Variants in TBPL2 observed in about 807,000 individuals in gnomAD.
The protein encoded by TBPL2 is TATA-box binding protein like 2, also known as TATA box-binding protein-like 2.
Under a neutral mutation model 38.2 loss-of-function variants are expected in TBPL2, and 40 were observed. The observed-to-expected ratio is 1.05, with a 90% CI of 0.81 to 1.36. The LOEUF is 1.36. Among genes scored for constraint, TBPL2 ranks in the 40% most tolerant of loss-of-function variants. TBPL2 has a pLI of 0.00. For synonymous variants in TBPL2, 169 were observed against 171.7 expected (o/e 0.98, Z 0.12); for missense variants, 461 against 456.7 (o/e 1.01, Z -0.09).
At chr14:55,418,744 A>G (rs1885703369) in intron 6 of TBPL2, among the ~76,000 whole-genome samples, 1 of 152,188 alleles carries the variant, frequency 6.6e-6, no homozygotes, top group African/African-American at 2.4e-5. Context: ...GTTTTCCTGA[A>G]GCATCTTTGT....
intron 6 of TBPL2, among the ~76,000 whole-genome samples, chr14:55,419,862 T>C (rs888521765): frequency 6.6e-6 from 1 of 152,228 alleles, no homozygotes; most frequent in Non-Finnish European, 1.5e-5. Flanking sequence ...TCATTTGTAA[T>C]TGCAACACTT....
intron 6 of TBPL2, among the ~76,000 whole-genome samples, chr14:55,418,866 G>T (rs549578871): frequency 6.6e-5 from 10 of 152,296 alleles, no homozygotes; most frequent in Admixed American, 6.5e-4. Context: ...TAGCTCAACA[G>T]TGCCAGGCAC....
exon 2 of TBPL2, chr14:55,436,612 A>T (rs1428370403): frequency 6.2e-6 from 10 of 1,614,234 alleles, no homozygotes; most frequent in Non-Finnish European, 8.5e-6. Context: ...CATTGGTGTC[A>T]TGGGAGTTAT....
At chr14:55,440,282 C>G (rs1451635619) in intron 1 of TBPL2, 114 bp downstream of exon 1, 3 of 1,352,912 alleles carry the variant, frequency 2.2e-6, no homozygotes, top group South Asian at 1.4e-5. Flanking sequence ...ACTTGGGAAA[C>G]CAAGCCCGCC....
intron 6 of TBPL2, among the ~76,000 whole-genome samples, chr14:55,415,711 C>G (rs1164719317): frequency 1.3e-5 from 2 of 151,926 alleles, no homozygotes; most frequent in Non-Finnish European, 2.9e-5. Context: ...ACTAAAAATA[C>G]AAAAGAAAAT....
chr14:55,427,794 A>G (rs1314279697), intron 5 of TBPL2, among the ~76,000 whole-genome samples: 1 of 151,946 alleles, frequency 6.6e-6, no homozygotes, highest in African/African-American at 2.4e-5. Context: ...GAAAAGGAAT[A>G]TACTACAGGC....
intron 6 of TBPL2, among the ~76,000 whole-genome samples, chr14:55,415,194 T>C (rs1474687302): frequency 5.3e-5 from 8 of 152,234 alleles, no homozygotes; most frequent in Non-Finnish European, 1.2e-4. Flanking sequence ...ATATGGAGCT[T>C]CAGCTAATCA....
chr14:55,438,109 G>T lies in TBPL2; in HGVS notation c.151-1091C>A, dbSNP rs970520776. Among the ~76,000 whole-genome samples the T allele has an allele frequency of 9.9e-5, 15 of 152,262 alleles. No individual in the cohort carries two copies. The South Asian group carries it at 1.0e-3, about 11-fold the overall frequency. On this transcript the variant is annotated intron_variant, in intron 1 of 6. Coordinates refer to ENST00000247219, the Ensembl canonical transcript of TBPL2. ...ACTCAAGTTACGGGCCTGGACTCCA[G>T]ATTTTGAGCACTGCTTGCAGGAGAA... is the stretch of plus-strand genomic sequence containing the variant.
intron 4 of TBPL2, among the ~76,000 whole-genome samples, chr14:55,430,820 A>G (rs4470077): frequency 0.28 from 42,578 of 152,166 alleles, 7,731 homozygotes; most frequent in African/African-American, 0.53. Context: ...GGTTAGCAGT[A>G]AAATAAACTG....
intron 1 of TBPL2, among the ~76,000 whole-genome samples, chr14:55,439,902 G>A (rs1886081677): frequency 7.7e-6 from 1 of 130,444 alleles, no homozygotes; most frequent in Admixed American, 8.7e-5. Flanking sequence ...CTGCACTCCA[G>A]CCTGGGTGAC....
At chr14:55,414,499 C>G (rs756476395) in intron 6 of TBPL2, 44 bp from the exon 7 acceptor site, 1 of 1,372,390 alleles carries the variant, frequency 7.3e-7, no homozygotes, top group South Asian at 1.3e-5. Context: ...TATAAAAATA[C>G]CAACATTTAC....
At chr14:55,423,442 A>C (rs936301427) in intron 6 of TBPL2, among the ~76,000 whole-genome samples, 35 of 152,230 alleles carry the variant, frequency 2.3e-4, no homozygotes, top group Non-Finnish European at 2.9e-5. Flanking sequence ...AAAGCAGCCA[A>C]ATGTCTGCCC....
chr14:55,414,895 A>C (rs559932969), intron 6 of TBPL2, among the ~76,000 whole-genome samples: 1 of 152,348 alleles, frequency 6.6e-6, no homozygotes, highest in Non-Finnish European at 1.5e-5. Flanking sequence ...TTTAAATTTT[A>C]GTTTAAAATT....
At chr14:55,434,532 A>T (rs1566594766) in intron 3 of TBPL2, among the ~76,000 whole-genome samples, 1 of 152,006 alleles carries the variant, frequency 6.6e-6, no homozygotes, top group Non-Finnish European at 1.5e-5. Context: ...GATCCTATAC[A>T]CTCATCCCCA....
chr14:55,433,652 T>C, exon 4 of TBPL2: 1 of 1,614,112 alleles, frequency 6.2e-7, no homozygotes, highest in Non-Finnish European at 8.5e-7. Flanking sequence ...GTGCAGACCA[T>C]CTTCCCAGAG....
At chr14:55,425,907 C>A (rs1302071702) in intron 5 of TBPL2, among the ~76,000 whole-genome samples, 2 of 152,194 alleles carry the variant, frequency 1.3e-5, no homozygotes, top group East Asian at 3.8e-4. Context: ...CTAGCATCTG[C>A]TACATGGTAG....
intron 4 of TBPL2, among the ~76,000 whole-genome samples, chr14:55,429,403 C>G (rs1566593189): frequency 6.6e-6 from 1 of 152,200 alleles, no homozygotes; most frequent in Non-Finnish European, 1.5e-5. Context: ...AACAAGCCCT[C>G]TAGGTAACTG....
At chr14:55,433,666 A>G in exon 4 of TBPL2, 1 of 1,614,006 alleles carries the variant, frequency 6.2e-7, no homozygotes, top group Non-Finnish European at 8.5e-7. Context: ...CCCAGAGCTA[A>G]ATATAAGGGC....
At chr14:55,429,783 A>AG (rs1885894818) in intron 4 of TBPL2, among the ~76,000 whole-genome samples, 1 of 150,918 alleles carries the variant, frequency 6.6e-6, no homozygotes, top group African/African-American at 2.4e-5. Flanking sequence ...AAAAAAAAAA[A>AG]AAAAAAGAAA....
Sources: gnomAD v4.1 joint callset for allele counts (sites outside exome capture counted in the v4.1 genomes callset) on GRCh38, gnomAD v4.1.1 for gene constraint, MANE v1.5 for transcripts, NCBI Gene and HGNC (gene_info 2026-07-23, HGNC 2026-07-21) for gene names.